The following GLRA1 variants were observed in gnomAD, a reference collection of about 807,000 sequenced individuals.
The protein encoded by GLRA1 is glycine receptor alpha 1, also known as glycine receptor subunit alpha-1.
Under a neutral mutation model 48.3 loss-of-function variants are expected in GLRA1, and 37 were observed. The ratio of observed to expected loss-of-function variants is 0.77; its 90% CI spans 0.59 to 1.01. The LOEUF (loss-of-function observed/expected upper bound fraction) is 1.01. Among genes scored for constraint, GLRA1 ranks in the 50% least tolerant of loss-of-function variants. The pLI, the probability that GLRA1 is intolerant of heterozygous loss-of-function variation, is 0.00. For synonymous variants in GLRA1, 196 were observed against 210.7 expected, an observed-to-expected ratio of 0.93 and a Z score of 0.60; for missense variants, 427 against 571.0, an observed-to-expected ratio of 0.75 and a Z score of 2.57.
chr5:151,915,241 G>A (rs948554396), intron 1 of GLRA1, among the ~76,000 whole-genome samples: 6 of 152,160 alleles, frequency 3.9e-5, no homozygotes, highest in Admixed American at 2.0e-4. Flanking sequence ...TATTTTTAAT[G>A]AGTTGTTGCA....
rs774260091 is a variant in GLRA1 at position 151,859,781 on chromosome 5, T to G, written c.476+4A>C. 2 of 1,599,258 alleles carry G rather than the reference T, an allele frequency of 1.3e-6. No individual in the cohort carries two copies. Among genetic ancestry groups the G allele is most frequent in the Non-Finnish European group, 1.7e-6 (2 of 1,166,472 alleles). On this transcript the variant is annotated splice_donor_region_variant and intron_variant, in intron 4 of 8. Coordinates refer to ENST00000274576, the MANE Select transcript of GLRA1 (RefSeq NM_000171.4). ...GGGAGTGGGTGAACCTGGTCAGAAC[T>G]CACCTGATGCTGTAGAGGACATTCC...
intron 1 of GLRA1, among the ~76,000 whole-genome samples, chr5:151,893,555 T>C (rs1754154738): frequency 6.6e-6 from 1 of 152,006 alleles, no homozygotes; most frequent in Admixed American, 6.6e-5. Context: ...TTCCCCTCCC[T>C]GTGTCCACAT....
At chr5:151,830,726 A>G (rs1228092232) in intron 7 of GLRA1, among the ~76,000 whole-genome samples, 1 of 145,210 alleles carries the variant, frequency 6.9e-6, no homozygotes, top group Non-Finnish European at 1.5e-5. Context: ...CACAAAACAA[A>G]TAATACGAAC....
Position 151,860,686 on chromosome 5 carries a change from G to T in GLRA1, c.253-678C>A, listed in dbSNP as rs371899393. Among the ~76,000 whole-genome samples, 68 of 152,118 alleles carry T rather than the reference G, an allele frequency of 4.5e-4. 1 individual carries two copies. In the South Asian group the frequency reaches 0.014, roughly 32 times the overall value. ...GACATATGTTGATTTGTTTGGAAAGGTTTACTAGATGTCATGGAGTCACAT... is the reference window on the plus strand; with the variant it reads ...GACATATGTTGATTTGTTTGGAAAGTTTTACTAGATGTCATGGAGTCACAT... On this transcript the variant is annotated intron_variant, in intron 3 of 8. Coordinates refer to ENST00000274576, the MANE Select transcript of GLRA1 (RefSeq NM_000171.4).
chr5:151,825,059 A>G (rs1273426637), intron 8 of GLRA1, among the ~76,000 whole-genome samples: 1 of 152,204 alleles, frequency 6.6e-6, no homozygotes, highest in Admixed American at 6.5e-5. Context: ...ATCTTGTCCA[A>G]CATCTTCATT....
At chr5:151,917,944 G>A (rs554297460) in intron 1 of GLRA1, among the ~76,000 whole-genome samples, 1 of 152,352 alleles carries the variant, frequency 6.6e-6, no homozygotes, top group South Asian at 2.1e-4. Context: ...TCATGGCTGG[G>A]ATTAATGATT....
intron 1 of GLRA1, among the ~76,000 whole-genome samples, chr5:151,909,896 C>CT (rs796148600): frequency 1.6e-3 from 229 of 147,140 alleles, no homozygotes; most frequent in African/African-American, 4.8e-3. Flanking sequence ...CCATCTCTAA[C>CT]TTTTTTTTTT....
At chr5:151,910,830 C>T (rs986454745) in intron 1 of GLRA1, among the ~76,000 whole-genome samples, 1 of 152,212 alleles carries the variant, frequency 6.6e-6, no homozygotes, top group Non-Finnish European at 1.5e-5. Context: ...GTTTATAGCA[C>T]TTACTAGGTC....
rs1754387821 is a variant in GLRA1, at chr5:151,902,446, C to T, written c.57-10008G>A. Among the ~76,000 whole-genome samples the T allele has an allele frequency of 1.3e-5, 2 of 151,974 alleles. 1 individual carries two copies. The highest frequency in any genetic ancestry group is 1.3e-4 in the Admixed American group (2 of 15,244). ...TGTAGTCAACTTGCCTTTTGTTTTACCCTTTTCTCAGTTAGCTCATCTTGA... is the reference window on the plus strand; with the variant it reads ...TGTAGTCAACTTGCCTTTTGTTTTATCCTTTTCTCAGTTAGCTCATCTTGA... On this transcript the variant is annotated intron_variant, in intron 1 of 8. Transcript: ENST00000274576.
At chr5:151,861,651 G>A (rs917091065) in intron 3 of GLRA1, among the ~76,000 whole-genome samples, 1 of 152,094 alleles carries the variant, frequency 6.6e-6, no homozygotes, top group Non-Finnish European at 1.5e-5. Flanking sequence ...CAAACAGAGA[G>A]CCAAATCATG....
Position 151,835,523 on chromosome 5 carries a change from A to G in GLRA1, c.913-6456T>C, listed in dbSNP as rs559263547. Among the ~76,000 whole-genome samples the G allele has an allele frequency of 3.3e-5, 5 of 152,316 alleles. No homozygotes were observed. In the South Asian group the frequency reaches 1.0e-3, roughly 32 times the overall value. ...ACACAACAAAAAAAGAGAATTTCAG[A>G]CCAATATCCTTGATGAACATCGATT... On this transcript the variant is annotated intron_variant, in intron 7 of 8. Coordinates refer to ENST00000274576, the MANE Select transcript of GLRA1 (RefSeq NM_000171.4).
intron 1 of GLRA1, among the ~76,000 whole-genome samples, chr5:151,902,748 T>C (rs766469426): frequency 2.0e-5 from 3 of 152,180 alleles, no homozygotes; most frequent in Non-Finnish European, 4.4e-5. Flanking sequence ...TATGAAGTAC[T>C]GTACCAGGCA....
chr5:151,856,680 G>A (rs1459558343), intron 4 of GLRA1, among the ~76,000 whole-genome samples: 1 of 151,922 alleles, frequency 6.6e-6, no homozygotes, highest in Admixed American at 6.6e-5. Context: ...CACCATGCCT[G>A]CTAATTTTTA....
At chr5:151,880,092 C>T (rs1753725180) in intron 3 of GLRA1, among the ~76,000 whole-genome samples, 1 of 152,186 alleles carries the variant, frequency 6.6e-6, no homozygotes, top group African/African-American at 2.4e-5. Flanking sequence ...GTAAGACTTC[C>T]CTAGCCATGT....
Position 151,880,768 on chromosome 5 carries a change from C to G in GLRA1, c.252+5953G>C, listed in dbSNP as rs544311622. Among the ~76,000 whole-genome samples, 38 of 152,356 alleles carry G rather than the reference C, an allele frequency of 2.5e-4. No homozygotes were observed. The South Asian group carries it at 7.0e-3, about 28-fold the overall frequency. Reference sequence around the variant, plus strand: ...TTGTATTCATATGCACACACATTCACATTCACATGCACATGCATGTACACA... The same window carrying G: ...TTGTATTCATATGCACACACATTCAGATTCACATGCACATGCATGTACACA... On this transcript the variant is annotated intron_variant, in intron 3 of 8. Transcript: ENST00000274576.
At chr5:151,923,052 C>T (rs1394100019) in intron 1 of GLRA1, among the ~76,000 whole-genome samples, 1 of 152,192 alleles carries the variant, frequency 6.6e-6, no homozygotes, top group African/African-American at 2.4e-5. Flanking sequence ...TGATACGTTT[C>T]ATAAGGCCCT....
chr5:151,835,775 ACT>A (rs1486091649), intron 7 of GLRA1, among the ~76,000 whole-genome samples: 2 of 152,204 alleles, frequency 1.3e-5, no homozygotes, highest in South Asian at 2.1e-4. Context: ...CATGCTAAAA[ACT>A]CTCAATAAAC....
chr5:151,906,936 G>C (rs781663738), intron 1 of GLRA1, among the ~76,000 whole-genome samples: 4 of 152,204 alleles, frequency 2.6e-5, no homozygotes, highest in African/African-American at 9.6e-5. Context: ...TGTGAGGAAA[G>C]AATATTTAGA....
intron 7 of GLRA1, among the ~76,000 whole-genome samples, chr5:151,830,281 T>G (rs1763391596): frequency 2.0e-5 from 3 of 152,224 alleles, no homozygotes; most frequent in Admixed American, 2.0e-4. Context: ...TTGACCTGAT[T>G]TGAAGTTTGC....
Sources: gnomAD v4.1 joint callset for allele counts (sites outside exome capture counted in the v4.1 genomes callset) on GRCh38, gnomAD v4.1.1 for gene constraint, MANE v1.5 for transcripts, NCBI Gene and HGNC (gene_info 2026-07-23, HGNC 2026-07-21) for gene names.